CCDC6: variants seen among roughly 807,000 people sequenced by gnomAD.
CCDC6 encodes coiled-coil domain-containing protein 6.
Under a neutral mutation model 56.6 loss-of-function variants are expected in CCDC6, and 20 were observed. That is an observed-to-expected ratio of 0.35 (90% CI 0.25 to 0.51). The LOEUF (loss-of-function observed/expected upper bound fraction) is 0.51. Ranked by LOEUF, CCDC6 falls within the 20% of genes least tolerant of loss-of-function variation. CCDC6 has a pLI of 0.95. For synonymous variants in CCDC6, 241 were observed against 234.4 expected, an observed-to-expected ratio of 1.03 and a Z score of -0.26; for missense variants, 367 against 601.1, an observed-to-expected ratio of 0.61 and a Z score of 4.07.
chr10:59,887,031 G>A (rs2071387758), intron 1 of CCDC6, among the ~76,000 whole-genome samples: 1 of 152,192 alleles, frequency 6.6e-6, no homozygotes, highest in Non-Finnish European at 1.5e-5. Context: ...TAATGGAAGT[G>A]TAAATTGTAG....
chr10:59,832,486 G>A (rs577073144), intron 3 of CCDC6, 39 bp downstream of exon 3: 22 of 1,577,074 alleles, frequency 1.4e-5, no homozygotes, highest in Middle Eastern at 1.9e-4. Context: ...AGCTGAGAAC[G>A]AGAAAATACA....
intron 1 of CCDC6, among the ~76,000 whole-genome samples, chr10:59,905,595 C>G (rs530996226): frequency 6.6e-6 from 1 of 152,328 alleles, no homozygotes; most frequent in African/African-American, 2.4e-5. Context: ...TCCCGGATTC[C>G]CGGCCACTCT....
chr10:59,887,481 TAAAAA>T (rs60170273), intron 1 of CCDC6, among the ~76,000 whole-genome samples: 1 of 136,548 alleles, frequency 7.3e-6, no homozygotes, highest in African/African-American at 2.7e-5. Context: ...ATGCAACTGT[TAAAAA>T]AAAAAAAAAA....
intron 2 of CCDC6, among the ~76,000 whole-genome samples, chr10:59,833,881 A>C (rs1386006343): frequency 6.6e-6 from 1 of 152,138 alleles, no homozygotes; most frequent in African/African-American, 2.4e-5. Flanking sequence ...GACAAATCAC[A>C]TTATTAGACT....
intron 1 of CCDC6, among the ~76,000 whole-genome samples, chr10:59,899,731 T>C (rs1444237581): frequency 1.3e-5 from 2 of 152,214 alleles, no homozygotes; most frequent in Non-Finnish European, 2.9e-5. Flanking sequence ...CCAATGGGGC[T>C]ACTTTTTCCT....
chr10:59,902,388 C>CTTTT (rs35175510), intron 1 of CCDC6, among the ~76,000 whole-genome samples: 9 of 88,422 alleles, frequency 1.0e-4, no homozygotes, highest in African/African-American at 3.0e-4. Flanking sequence ...AACAGTAACT[C>CTTTT]TTTTTTTTTT....
At chr10:59,869,373 C>T (rs2071205483) in intron 1 of CCDC6, among the ~76,000 whole-genome samples, 1 of 88,628 alleles carries the variant, frequency 1.1e-5, no homozygotes, top group African/African-American at 4.5e-5. Context: ...AGCAGTGAGA[C>T]ATGGACTTGC....
At chr10:59,824,636 G>A (rs144713101) in intron 3 of CCDC6, among the ~76,000 whole-genome samples, 4 of 152,158 alleles carry the variant, frequency 2.6e-5, no homozygotes, top group African/African-American at 9.6e-5. Flanking sequence ...AAAAAGCAGG[G>A]CAGCCAATTA....
intron 1 of CCDC6, among the ~76,000 whole-genome samples, chr10:59,869,485 C>CCTTGGTTTT (rs2071209689): frequency 6.7e-6 from 1 of 149,932 alleles, no homozygotes; most frequent in African/African-American, 2.5e-5. Flanking sequence ...AAGAAGTAAG[C>CCTTGGTTTT]CTTGGTTTTC....
intron 7 of CCDC6, among the ~76,000 whole-genome samples, chr10:59,798,707 A>C (rs2070545195): frequency 6.6e-6 from 1 of 152,226 alleles, no homozygotes; most frequent in Admixed American, 6.5e-5. Context: ...ATAAAATATA[A>C]AAGTGGGCTG....
At chr10:59,847,968 G>A (rs1436881942) in intron 2 of CCDC6, among the ~76,000 whole-genome samples, 7 of 151,994 alleles carry the variant, frequency 4.6e-5, no homozygotes, top group East Asian at 1.9e-4. Flanking sequence ...TTCTCCCCAC[G>A]TCTATGCGGG....
chr10:59,868,950 G>T (rs1300393757), intron 1 of CCDC6, among the ~76,000 whole-genome samples: 1 of 148,734 alleles, frequency 6.7e-6, no homozygotes, highest in Middle Eastern at 3.4e-3. Flanking sequence ...TTTGCTTTGC[G>T]GCCTTTTGTT....
At chr10:59,854,968 T>G (rs2071069163) in intron 1 of CCDC6, among the ~76,000 whole-genome samples, 1 of 152,222 alleles carries the variant, frequency 6.6e-6, no homozygotes, top group Non-Finnish European at 1.5e-5. Context: ...CTCATTTCAT[T>G]ATCAGATCAG....
chr10:59,847,210 G>C lies in CCDC6; in HGVS notation c.453+5343C>G, dbSNP rs556237201. On this transcript the variant is annotated intron_variant, in intron 2 of 8. Transcript: ENST00000263102. ...TGGGACTACAGGTGCCTGCCACCAC[G>C]CCGGGCTGATTTTTTTGTATTTTTA... Among the ~76,000 whole-genome samples, 16 of 152,154 alleles carry C rather than the reference G, an allele frequency of 1.1e-4. No homozygotes were observed. The South Asian group carries it at 3.3e-3, about 32-fold the overall frequency.
chr10:59,791,073 CTGT>C lies in CCDC6; in HGVS notation c.*1841_*1843del. 4.8e-6 allele frequency: 1 copy of C among 210,082 alleles called. No homozygotes were observed. Among genetic ancestry groups the C allele is most frequent in the Non-Finnish European group, 9.7e-6 (1 of 103,352 alleles). 13.0% of individuals were successfully genotyped at this position (210,082 alleles called of 1,614,324 possible). A position where few individuals can be genotyped will look rare whatever the true frequency, so the allele number is the denominator to read the frequency against. On this transcript the variant is annotated 3_prime_UTR_variant, in exon 9 of 9. Coordinates refer to ENST00000263102, the MANE Select transcript of CCDC6 (RefSeq NM_005436.5). ...GCAATGTACCAGGAGGGTGAGTGAA[CTGT>C]TGGTGAAAATTCCGGGTTTGACATG...
At chr10:59,905,778 G>A (rs1004894036) in intron 1 of CCDC6, among the ~76,000 whole-genome samples, 1 of 152,132 alleles carries the variant, frequency 6.6e-6, no homozygotes, top group Non-Finnish European at 1.5e-5. Context: ...AAACATGCTA[G>A]GGCTGAAAAA....
At chr10:59,878,890 G>C (rs2071307573) in intron 1 of CCDC6, among the ~76,000 whole-genome samples, 1 of 152,074 alleles carries the variant, frequency 6.6e-6, no homozygotes, top group Admixed American at 6.5e-5. Flanking sequence ...TATTCATTTA[G>C]GCCAAGCCAT....
rs374978744 is a variant in CCDC6 at position 59,793,098 on chromosome 10, C to T, written c.1244G>A (p.Arg415Gln). The change falls in exon 9 of 9, where the codon CGG (arginine) becomes CAG (glutamine). Residue 415 changes from arginine to glutamine, a missense_variant. Transcript: ENST00000263102. ...TSHGITRPSP[R>Q]RSNSPDKFKR... ...GAATTTGTCAGGACTGTTGCTTCTC[C>T]GTGGTGAAGGCCTCTGCAGAGGGGA... 12 of 1,613,892 alleles carry T rather than the reference C, an allele frequency of 7.4e-6. No individual in the cohort carries two copies. Among genetic ancestry groups the T allele is most frequent in the African/African-American group, 1.3e-5 (1 of 74,896 alleles).
At chr10:59,842,962 C>T (rs867527504) in intron 2 of CCDC6, among the ~76,000 whole-genome samples, 2 of 151,978 alleles carry the variant, frequency 1.3e-5, no homozygotes, top group African/African-American at 4.8e-5. Context: ...ACCGTGTTAG[C>T]CAGGATGGTC....
Sources: gnomAD v4.1 joint callset for allele counts (sites outside exome capture counted in the v4.1 genomes callset) on GRCh38, gnomAD v4.1.1 for gene constraint, MANE v1.5 for transcripts, NCBI Gene and HGNC (gene_info 2026-07-23, HGNC 2026-07-21) for gene names.